The following KCND2 variants were observed in gnomAD, a reference collection of about 807,000 sequenced individuals.
KCND2 encodes the protein A-type voltage-gated potassium channel KCND2.
KCND2 carries 16 observed loss-of-function variants against 54.4 expected under a neutral mutation model. That is an observed-to-expected ratio of 0.29 (90% CI 0.20 to 0.45). KCND2 has a LOEUF of 0.45. Among genes scored for constraint, KCND2 ranks in the 20% least tolerant of loss-of-function variants. KCND2 has a pLI of 1.00. For synonymous variants in KCND2, 317 were observed against 310.7 expected, an observed-to-expected ratio of 1.02 and a Z score of -0.21; for missense variants, 486 against 824.2, an observed-to-expected ratio of 0.59 and a Z score of 5.02.
intron 1 of KCND2, among the ~76,000 whole-genome samples, chr7:120,392,634 C>T (rs775573487): frequency 6.6e-6 from 1 of 151,734 alleles, no homozygotes; most frequent in Non-Finnish European, 1.5e-5. Context: ...TGTAAAAGTA[C>T]GTTTTTCACG....
intron 1 of KCND2, among the ~76,000 whole-genome samples, chr7:120,439,353 G>C (rs1367292338): frequency 6.6e-6 from 1 of 151,944 alleles, no homozygotes; most frequent in Non-Finnish European, 1.5e-5. Context: ...TCCAAACACA[G>C]AAGCACTTTT....
chr7:120,324,979 G>GC (rs1799953331), intron 1 of KCND2, among the ~76,000 whole-genome samples: 2 of 124,270 alleles, frequency 1.6e-5, no homozygotes, highest in Admixed American at 1.7e-4. Context: ...ATTTCCTTGA[G>GC]CAGTGGTTTG....
intron 1 of KCND2, among the ~76,000 whole-genome samples, chr7:120,565,916 A>G (rs553609222): frequency 1.6e-4 from 25 of 152,348 alleles, no homozygotes; most frequent in African/African-American, 5.5e-4. Context: ...CAAGGATTAC[A>G]TAATTGTTTT....
chr7:120,629,843 A>G (rs1376940210), intron 1 of KCND2, among the ~76,000 whole-genome samples: 1 of 152,218 alleles, frequency 6.6e-6, no homozygotes, highest in Non-Finnish European at 1.5e-5. Context: ...ACAACTAGAA[A>G]AATGGAACTA....
intron 1 of KCND2, among the ~76,000 whole-genome samples, chr7:120,585,585 T>A (rs1792587613): frequency 6.6e-6 from 1 of 151,968 alleles, no homozygotes; most frequent in South Asian, 2.1e-4. Context: ...ATTAAGTAGG[T>A]CAGAGATCAC....
intron 1 of KCND2, among the ~76,000 whole-genome samples, chr7:120,508,990 T>C (rs1803072439): frequency 6.6e-6 from 1 of 151,388 alleles, no homozygotes; most frequent in African/African-American, 2.4e-5. Context: ...CTGATTGCAA[T>C]ATTAGAAACA....
intron 1 of KCND2, among the ~76,000 whole-genome samples, chr7:120,466,542 G>C (rs910484439): frequency 6.6e-5 from 10 of 151,914 alleles, no homozygotes; most frequent in Middle Eastern, 3.4e-3. Flanking sequence ...TTGCCTTCTC[G>C]AGATCATTCC....
chr7:120,302,362 C>A (rs766902382), intron 1 of KCND2, among the ~76,000 whole-genome samples: 2 of 152,092 alleles, frequency 1.3e-5, no homozygotes, highest in African/African-American at 2.4e-5. Context: ...GAGGCTCAGG[C>A]GATCCTTGGA....
chr7:120,284,762 G>T (rs941950698), intron 1 of KCND2, among the ~76,000 whole-genome samples: 1 of 152,164 alleles, frequency 6.6e-6, no homozygotes, highest in South Asian at 2.1e-4. Flanking sequence ...ATTTCTGGAA[G>T]ATCATTTGAA....
At chr7:120,325,598 T>C (rs970186472) in intron 1 of KCND2, among the ~76,000 whole-genome samples, 14 of 151,856 alleles carry the variant, frequency 9.2e-5, no homozygotes, top group African/African-American at 3.1e-4. Flanking sequence ...TATGCTGGAT[T>C]ACATTTATTG....
chr7:120,689,202 T>C (rs1019932922), intron 1 of KCND2, among the ~76,000 whole-genome samples: 1 of 152,138 alleles, frequency 6.6e-6, no homozygotes, highest in Non-Finnish European at 1.5e-5. Flanking sequence ...GCATTTTTAG[T>C]TTCTGGACAC....
At chr7:120,718,321 G>A (rs1792627694) in intron 1 of KCND2, among the ~76,000 whole-genome samples, 1 of 152,064 alleles carries the variant, frequency 6.6e-6, no homozygotes, top group Non-Finnish European at 1.5e-5. Context: ...TCAGACTTTG[G>A]CCAACTACAT....
At chr7:120,406,738 T>C (rs561079743) in intron 1 of KCND2, among the ~76,000 whole-genome samples, 57 of 151,952 alleles carry the variant, frequency 3.8e-4, no homozygotes, top group Non-Finnish European at 5.0e-4. Context: ...AAAGTCATTC[T>C]AGGATTAAGA....
chr7:120,666,938 T>A (rs1186000997), intron 1 of KCND2, among the ~76,000 whole-genome samples: 1 of 152,052 alleles, frequency 6.6e-6, no homozygotes, highest in Non-Finnish European at 1.5e-5. Context: ...TCAAATGTAT[T>A]CTTTTTATCT....
At chr7:120,353,133 C>CTTTTT (rs72353278) in intron 1 of KCND2, among the ~76,000 whole-genome samples, 32 of 91,744 alleles carry the variant, frequency 3.5e-4, no homozygotes, top group African/African-American at 5.9e-4. Flanking sequence ...AATACTTTTA[C>CTTTTT]TTTTTTTTTT....
At position 120,467,414 on chromosome 7, in the gene KCND2, A is replaced by C. The variant is rs60202137; in HGVS notation, c.1115+191667A>C. 5.2e-3 allele frequency among the ~76,000 whole-genome samples: 788 copies of C among 152,152 alleles called. 6 individuals carry two copies. The highest frequency in any genetic ancestry group is 0.018 in the African/African-American group (752 of 41,504). ...TTGGTATTCACTCCATTTTATTTAC[A>C]TTTTTATCAATTTACTAGAAAATCT... On this transcript the variant is annotated intron_variant, in intron 1 of 5. Coordinates refer to ENST00000331113, the MANE Select transcript of KCND2 (RefSeq NM_012281.3).
chr7:120,394,811 T>C (rs1328313148), intron 1 of KCND2, among the ~76,000 whole-genome samples: 2 of 151,996 alleles, frequency 1.3e-5, no homozygotes, highest in African/African-American at 4.8e-5. Flanking sequence ...GCTGTTTCAG[T>C]AGTGACTATC....
chr7:120,374,244 A>T (rs1242919588), intron 1 of KCND2, among the ~76,000 whole-genome samples: 1 of 151,806 alleles, frequency 6.6e-6, no homozygotes, highest in Non-Finnish European at 1.5e-5. Flanking sequence ...TTTAACTCTT[A>T]AAAAATTCTA....
intron 1 of KCND2, among the ~76,000 whole-genome samples, chr7:120,665,821 A>G (rs1013315729): frequency 6.6e-6 from 1 of 152,102 alleles, no homozygotes. Flanking sequence ...ACAATTATTC[A>G]AGTAACAAAT....
Sources: allele counts gnomAD v4.1 joint callset (sites outside exome capture counted in the v4.1 genomes callset), GRCh38; gene constraint gnomAD v4.1.1; transcripts MANE v1.5; gene names NCBI Gene and HGNC (gene_info 2026-07-23, HGNC 2026-07-21).